NUDCD3: variants seen among roughly 807,000 people sequenced by gnomAD.
NUDCD3 encodes NudC domain containing 3, also known as nudC domain-containing protein 3.
In NUDCD3, 13 loss-of-function variants were observed where a neutral mutation model predicts 39.7. That is an observed-to-expected ratio of 0.33 (90% CI 0.21 to 0.52). The LOEUF (loss-of-function observed/expected upper bound fraction) is 0.52, where lower values mean the gene tolerates loss of function less well. Ranked by LOEUF, NUDCD3 falls within the 20% of genes least tolerant of loss-of-function variation. The pLI is 0.96. For missense variants in NUDCD3, 453 were observed against 458.1 expected, an observed-to-expected ratio of 0.99 and a Z score of 0.10; for synonymous variants, 175 against 172.4, an observed-to-expected ratio of 1.02 and a Z score of -0.12.
At chr7:44,397,462 T>C (rs1336008681) in intron 4 of NUDCD3, among the ~76,000 whole-genome samples, 1 of 152,156 alleles carries the variant, frequency 6.6e-6, no homozygotes, top group Admixed American at 6.5e-5. Context: ...AGGTGCCCCA[T>C]CTCATTTAGC....
chr7:44,438,078 G>A (rs771756737), intron 2 of NUDCD3, among the ~76,000 whole-genome samples: 18 of 152,072 alleles, frequency 1.2e-4, no homozygotes, highest in Non-Finnish European at 2.1e-4. Flanking sequence ...GAACTAAGCT[G>A]GGTGTAGTGA....
intron 2 of NUDCD3, among the ~76,000 whole-genome samples, chr7:44,454,936 A>AACAC (rs10539692): frequency 0.019 from 2,691 of 143,372 alleles, 41 homozygotes; most frequent in African/African-American, 0.057. Flanking sequence ...CCTGTCTCAA[A>AACAC]ACACACACAC....
intron 3 of NUDCD3, among the ~76,000 whole-genome samples, chr7:44,421,331 T>TA (rs531473757): frequency 0.62 from 76,644 of 124,418 alleles, 24,133 homozygotes; most frequent in East Asian, 0.93. Flanking sequence ...AGACTCCGTC[T>TA]AAAAAAAAAA....
In NUDCD3 at chr7:44,396,087, T is replaced by TTGTGTGTGTG. The variant is rs10585173; in HGVS notation, c.787-3612_787-3603dup. ...CCTCACCAACACTTGTTATCTTCTGTTGTGTGTGTGTGTGTGTGTGTGTGT... is the reference window on the plus strand; with the variant it reads ...CCTCACCAACACTTGTTATCTTCTGTTGTGTGTGTGTGTGTGTGTGTGTGTGTGTGTGTGT... On this transcript the variant is annotated intron_variant, in intron 4 of 5. Transcript: ENST00000355451. 4.1e-3 allele frequency among the ~76,000 whole-genome samples: 596 copies of TTGTGTGTGTG among 145,002 alleles called. 5 individuals are homozygous for TTGTGTGTGTG. The highest frequency in any genetic ancestry group is 0.013 in the African/African-American group (515 of 38,442).
chr7:44,465,319 A>G (rs1050175693), intron 2 of NUDCD3, among the ~76,000 whole-genome samples: 1 of 152,238 alleles, frequency 6.6e-6, no homozygotes, highest in Non-Finnish European at 1.5e-5. Flanking sequence ...AGCACAGTTC[A>G]CACAGTAAAA....
At chr7:44,436,736 G>A (rs1799472180) in intron 2 of NUDCD3, among the ~76,000 whole-genome samples, 1 of 152,136 alleles carries the variant, frequency 6.6e-6, no homozygotes, top group Non-Finnish European at 1.5e-5. Context: ...TGAAATTCCA[G>A]TTCATGTCTT....
intron 3 of NUDCD3, among the ~76,000 whole-genome samples, chr7:44,422,402 A>G (rs1585068275): frequency 6.6e-6 from 1 of 152,188 alleles, no homozygotes; most frequent in East Asian, 1.9e-4. Context: ...AGAATAATAA[A>G]GAAGAAAGAA....
chr7:44,426,698 A>T (rs1211255496), intron 3 of NUDCD3, among the ~76,000 whole-genome samples: 7 of 149,976 alleles, frequency 4.7e-5, no homozygotes, highest in Non-Finnish European at 1.0e-4. Flanking sequence ...TGGGAGGCTG[A>T]GGCAGGAGAA....
rs563690535 is a variant in NUDCD3 at position 44,479,640 on chromosome 7, C to T, written c.509+5328G>A. On this transcript the variant is annotated intron_variant, in intron 2 of 5. Coordinates refer to ENST00000355451, the MANE Select transcript of NUDCD3 (RefSeq NM_015332.4). The stretch of plus-strand genomic sequence containing the variant: ...GTTTTTGCCTAATACTGGTTAGAAC[C>T]GAAAAACATGTCAAGTAAGAGTCAT... 5.3e-5 allele frequency among the ~76,000 whole-genome samples: 8 copies of T among 151,988 alleles called. No individual in the cohort carries two copies. The South Asian group carries it at 1.7e-3, about 32-fold the overall frequency.
chr7:44,388,570 TG>T (rs1273682966), intron 5 of NUDCD3, among the ~76,000 whole-genome samples: 1 of 152,232 alleles, frequency 6.6e-6, no homozygotes, highest in Non-Finnish European at 1.5e-5. Context: ...CCCCAGACAC[TG>T]TCATGCCCAG....
At position 44,445,958 on chromosome 7, in the gene NUDCD3, G is replaced by A. The variant is rs138187817; in HGVS notation, c.510-18255C>T. ...TACAACCTTGTGTCTCTAAGCCTCCGCTTTGCTCATCAGTAAAGTCAGGGA... is the reference window on the plus strand; with the variant it reads ...TACAACCTTGTGTCTCTAAGCCTCCACTTTGCTCATCAGTAAAGTCAGGGA... On this transcript the variant is annotated intron_variant, in intron 2 of 5. Transcript: ENST00000355451. Among the ~76,000 whole-genome samples the A allele has an allele frequency of 1.1e-3, 162 of 152,280 alleles. 1 individual carries two copies. The highest frequency in any genetic ancestry group is 3.4e-3 in the African/African-American group (141 of 41,552).
At chr7:44,453,156 G>A (rs191331154) in intron 2 of NUDCD3, among the ~76,000 whole-genome samples, 14 of 152,036 alleles carry the variant, frequency 9.2e-5, no homozygotes, top group African/African-American at 3.1e-4. Context: ...AGTTTGAGAC[G>A]AGCCTGGCCA....
chr7:44,427,532 T>C (rs1799260143), intron 3 of NUDCD3, 39 bp downstream of exon 3: 1 of 1,595,150 alleles, frequency 6.3e-7, no homozygotes, highest in African/African-American at 1.3e-5. Flanking sequence ...TTGACTGGCT[T>C]GGGTGAAGCC....
chr7:44,390,236 C>T (rs1349123768), intron 5 of NUDCD3, among the ~76,000 whole-genome samples: 5 of 152,032 alleles, frequency 3.3e-5, no homozygotes, highest in Admixed American at 3.3e-4. Flanking sequence ...TGGTGGTGTG[C>T]GCCTGTAGTC....
At chr7:44,430,554 C>CACACACACA (rs759005189) in intron 2 of NUDCD3, among the ~76,000 whole-genome samples, 19 of 140,772 alleles carry the variant, frequency 1.3e-4, no homozygotes, top group African/African-American at 4.7e-4. Flanking sequence ...AATAAAATAC[C>CACACACACA]CACACACACA....
intron 3 of NUDCD3, among the ~76,000 whole-genome samples, chr7:44,406,191 A>T (rs571230085): frequency 4.9e-4 from 74 of 152,204 alleles, no homozygotes; most frequent in Non-Finnish European, 9.3e-4. Context: ...CACAGCGAAG[A>T]TATTCTGCTA....
At chr7:44,404,889 T>A (rs529237590) in intron 3 of NUDCD3, among the ~76,000 whole-genome samples, 1 of 152,172 alleles carries the variant, frequency 6.6e-6, no homozygotes, top group African/African-American at 2.4e-5. Context: ...CGGAGACCAA[T>A]TGTCACAGCA....
intron 3 of NUDCD3, among the ~76,000 whole-genome samples, 179 bp downstream of exon 3, chr7:44,427,392 A>G (rs1799256794): frequency 6.6e-6 from 1 of 152,200 alleles, no homozygotes; most frequent in Non-Finnish European, 1.5e-5. Flanking sequence ...AGAACCTCAC[A>G]AACAGAATAA....
chr7:44,462,974 TGTGTG>T, intron 2 of NUDCD3, among the ~76,000 whole-genome samples: 1 of 151,644 alleles, frequency 6.6e-6, no homozygotes, highest in Non-Finnish European at 1.5e-5. Flanking sequence ...TGTGTGTGTG[TGTGTG>T]TGTGTGTGTG....
Sources: allele counts gnomAD v4.1 joint callset (sites outside exome capture counted in the v4.1 genomes callset), GRCh38; gene constraint gnomAD v4.1.1; transcripts MANE v1.5; gene names NCBI Gene and HGNC (gene_info 2026-07-23, HGNC 2026-07-21).